The following PTPRK variants were observed in gnomAD, a reference collection of about 807,000 sequenced individuals.
PTPRK encodes the protein protein tyrosine phosphatase receptor type K.
Under a neutral mutation model 178.0 loss-of-function variants are expected in PTPRK, and 75 were observed. The ratio of observed to expected loss-of-function variants is 0.42; its 90% confidence interval spans 0.35 to 0.51. The LOEUF is 0.51. Ranked by LOEUF, PTPRK falls within the 20% of genes least tolerant of loss-of-function variation. The pLI, the probability that PTPRK is intolerant of heterozygous loss-of-function variation, is 0.02. For missense variants in PTPRK, 1,441 were observed against 1,797.8 expected (o/e 0.80, Z 3.59); for synonymous variants, 637 against 620.6 (o/e 1.03, Z -0.39).
chr6:128,354,231 G>GTTTTATTTTTTTTT (rs1833610167), intron 2 of PTPRK, among the ~76,000 whole-genome samples: 1 of 49,358 alleles, frequency 2.0e-5, no homozygotes, highest in Non-Finnish European at 3.2e-5. Flanking sequence ...TTTTGTTTAT[G>GTTTTATTTTTTTTT]TTTTTTTTTT....
chr6:128,383,944 ATAAAG>A (rs1180967456), intron 2 of PTPRK, among the ~76,000 whole-genome samples: 2 of 152,208 alleles, frequency 1.3e-5, no homozygotes, highest in African/African-American at 4.8e-5. Flanking sequence ...TTAGTCCCAT[ATAAAG>A]TAAAGCAATA....
At chr6:128,020,043 T>C (rs934534552) in intron 13 of PTPRK, among the ~76,000 whole-genome samples, 3 of 151,932 alleles carry the variant, frequency 2.0e-5, no homozygotes, top group Admixed American at 6.6e-5. Context: ...CCTGAAATAA[T>C]AAAAATCAGA....
intron 7 of PTPRK, among the ~76,000 whole-genome samples, chr6:128,157,244 G>C (rs1033990659): frequency 3.9e-5 from 6 of 152,088 alleles, no homozygotes; most frequent in Admixed American, 2.6e-4. Context: ...TTCATAAACT[G>C]TCTTTCAACA....
intron 13 of PTPRK, among the ~76,000 whole-genome samples, chr6:128,058,132 T>C (rs1780212967): frequency 6.6e-6 from 1 of 152,206 alleles, no homozygotes; most frequent in Non-Finnish European, 1.5e-5. Flanking sequence ...ATAAATTTTG[T>C]ACTACATGTT....
chr6:128,075,967 C>A (rs756206581), intron 11 of PTPRK, among the ~76,000 whole-genome samples: 3 of 151,958 alleles, frequency 2.0e-5, no homozygotes, highest in African/African-American at 7.2e-5. Flanking sequence ...CTCCTGGATG[C>A]TCTCAGATTT....
intron 7 of PTPRK, among the ~76,000 whole-genome samples, chr6:128,144,475 C>T (rs1171100366): frequency 6.6e-6 from 1 of 152,140 alleles, no homozygotes; most frequent in Non-Finnish European, 1.5e-5. Flanking sequence ...AACATTCCTC[C>T]CCCAGAGAGT....
At chr6:128,211,919 A>G (rs1272673587) in intron 6 of PTPRK, among the ~76,000 whole-genome samples, 1 of 152,018 alleles carries the variant, frequency 6.6e-6, no homozygotes, top group African/African-American at 2.4e-5. Flanking sequence ...ACTCTGATTT[A>G]TCTCCCTGCC....
At chr6:128,162,056 T>G (rs1048864710) in intron 7 of PTPRK, among the ~76,000 whole-genome samples, 2 of 151,652 alleles carry the variant, frequency 1.3e-5, no homozygotes, top group African/African-American at 2.4e-5. Flanking sequence ...CTTACAAGGT[T>G]AACATCAGCA....
intron 18 of PTPRK, among the ~76,000 whole-genome samples, chr6:127,994,068 T>C (rs2114669706): frequency 6.6e-6 from 1 of 151,830 alleles, no homozygotes; most frequent in East Asian, 1.9e-4. Context: ...CATAATGATG[T>C]TTGATAAATT....
chr6:128,025,695 G>A (rs966073039), intron 13 of PTPRK, among the ~76,000 whole-genome samples: 9 of 152,126 alleles, frequency 5.9e-5, no homozygotes, highest in African/African-American at 1.4e-4. Context: ...CGCTGCTGAG[G>A]CTCTAGAAGA....
At chr6:128,140,823 GT>G (rs1171780627) in intron 7 of PTPRK, among the ~76,000 whole-genome samples, 5 of 151,916 alleles carry the variant, frequency 3.3e-5, no homozygotes, top group Non-Finnish European at 7.4e-5. Context: ...TAAATAAATA[GT>G]TTTTTATTGG....
chr6:128,352,439 A>C (rs1420631423), intron 2 of PTPRK, among the ~76,000 whole-genome samples: 1 of 151,288 alleles, frequency 6.6e-6, no homozygotes, highest in Non-Finnish European at 1.5e-5. Context: ...TGTACAGTCC[A>C]GATTTGATTG....
intron 1 of PTPRK, among the ~76,000 whole-genome samples, chr6:128,430,904 A>C (rs1039252356): frequency 6.6e-6 from 1 of 151,140 alleles, no homozygotes; most frequent in African/African-American, 2.4e-5. Flanking sequence ...ATTTAAAGAA[A>C]TCTTTATTAG....
chr6:128,440,676 G>T (rs754001268), intron 1 of PTPRK, among the ~76,000 whole-genome samples: 5 of 152,000 alleles, frequency 3.3e-5, no homozygotes, highest in Non-Finnish European at 7.4e-5. Flanking sequence ...TACACTATAT[G>T]TGCTGTCAGA....
chr6:128,453,323 C>G (rs1352790954), intron 1 of PTPRK, among the ~76,000 whole-genome samples: 5 of 152,168 alleles, frequency 3.3e-5, no homozygotes, highest in African/African-American at 7.2e-5. Flanking sequence ...GATCTCCCAA[C>G]GTCTGCACCC....
intron 17 of PTPRK, among the ~76,000 whole-genome samples, chr6:127,996,267 A>G (rs1011933530): frequency 1.3e-5 from 2 of 152,108 alleles, no homozygotes; most frequent in Admixed American, 6.5e-5. Flanking sequence ...GTTTGATGGA[A>G]GTGTTAAAAC....
intron 13 of PTPRK, among the ~76,000 whole-genome samples, chr6:128,015,499 T>C (rs1408330186): frequency 6.6e-6 from 1 of 151,672 alleles, no homozygotes; most frequent in Non-Finnish European, 1.5e-5. Context: ...TCACTAGTCC[T>C]CCTGCTTCCC....
At chr6:128,076,761 A>C (rs1783898995) in intron 11 of PTPRK, among the ~76,000 whole-genome samples, 1 of 152,058 alleles carries the variant, frequency 6.6e-6, no homozygotes, top group Non-Finnish European at 1.5e-5. Context: ...AAAAGACTTT[A>C]AATTTAAAAA....
At chr6:128,318,042 T>C (rs938986610) in intron 3 of PTPRK, among the ~76,000 whole-genome samples, 1 of 152,164 alleles carries the variant, frequency 6.6e-6, no homozygotes, top group Non-Finnish European at 1.5e-5. Context: ...ATATGATATA[T>C]CTAGAGAAAA....
Sources: gnomAD v4.1 joint callset for allele counts (sites outside exome capture counted in the v4.1 genomes callset) on GRCh38, gnomAD v4.1.1 for gene constraint, MANE v1.5 for transcripts, NCBI Gene and HGNC (gene_info 2026-07-23, HGNC 2026-07-21) for gene names.